The following PPA2 variants were observed in gnomAD, a reference collection of about 807,000 sequenced individuals.
The protein encoded by PPA2 is inorganic pyrophosphatase 2, also known as inorganic pyrophosphatase 2, mitochondrial.
In PPA2, 48 loss-of-function variants were observed where a neutral mutation model predicts 49.5. The ratio of observed to expected loss-of-function variants is 0.97; its 90% confidence interval spans 0.77 to 1.23. The LOEUF is 1.23. PPA2 is among the 50% of genes most tolerant of loss of function. PPA2 has a pLI of 0.00. For missense variants in PPA2, 429 were observed against 410.1 expected (o/e 1.05, Z -0.40); for synonymous variants, 131 against 139.9 (o/e 0.94, Z 0.45).
chr4:105,464,359 T>A (rs11934459), intron 1 of PPA2, among the ~76,000 whole-genome samples: 1 of 152,246 alleles, frequency 6.6e-6, no homozygotes, highest in Admixed American at 6.5e-5. Flanking sequence ...CCCCATTGTA[T>A]CTAAGAAGTA....
rs149064569 is a variant in PPA2 at position 105,448,671 on chromosome 4, A to C, written c.321+679T>G. Among the ~76,000 whole-genome samples, 192 of 152,100 alleles carry C rather than the reference A, an allele frequency of 1.3e-3. 1 individual carries two copies. The highest frequency in any genetic ancestry group is 4.2e-3 in the African/African-American group (175 of 41,546). ...AAATGATTTATTTCCTGGTAGAATA[A>C]AATCTAAAGGAGAATTGAGTCCTAA... On this transcript the variant is annotated intron_variant, in intron 4 of 11. Transcript: ENST00000341695.
intron 9 of PPA2, among the ~76,000 whole-genome samples, chr4:105,392,449 G>C (rs1733963425): frequency 1.3e-5 from 2 of 152,048 alleles, no homozygotes; most frequent in Admixed American, 6.6e-5. Context: ...GAGGTGCGTG[G>C]ATCACCTGCG....
intron 6 of PPA2, among the ~76,000 whole-genome samples, chr4:105,433,636 G>C (rs1464088951): frequency 1.3e-5 from 2 of 152,212 alleles, no homozygotes; most frequent in Non-Finnish European, 2.9e-5. Flanking sequence ...CACGGGAAGA[G>C]ACATTATAAA....
intron 10 of PPA2, among the ~76,000 whole-genome samples, chr4:105,383,429 G>A (rs1161815775): frequency 1.3e-5 from 2 of 152,104 alleles, no homozygotes. Context: ...TGTACATATT[G>A]TTGGATGACT....
chr4:105,379,450 T>C (rs973108150), intron 10 of PPA2, among the ~76,000 whole-genome samples: 7 of 101,856 alleles, frequency 6.9e-5, no homozygotes, highest in Non-Finnish European at 1.6e-4. Flanking sequence ...GATAGATAGA[T>C]AGATAGATAG....
At chr4:105,377,937 A>C (rs1465419052) in intron 10 of PPA2, among the ~76,000 whole-genome samples, 1 of 152,030 alleles carries the variant, frequency 6.6e-6, no homozygotes, top group Non-Finnish European at 1.5e-5. Flanking sequence ...CCATTCATCT[A>C]CTGATGAACA....
chr4:105,414,339 C>T (rs1722902730), intron 7 of PPA2, among the ~76,000 whole-genome samples: 1 of 152,238 alleles, frequency 6.6e-6, no homozygotes, highest in South Asian at 2.1e-4. Context: ...AGCTGGAAAC[C>T]TCTGTGGCCA....
chr4:105,380,250 T>C (rs1733433813), intron 10 of PPA2, among the ~76,000 whole-genome samples: 1 of 152,210 alleles, frequency 6.6e-6, no homozygotes, highest in African/African-American at 2.4e-5. Context: ...AAGGCATCTG[T>C]CAATTTCATG....
At chr4:105,442,407 G>A (rs1437895821) in intron 5 of PPA2, among the ~76,000 whole-genome samples, 2 of 152,168 alleles carry the variant, frequency 1.3e-5, no homozygotes, top group Non-Finnish European at 2.9e-5. Flanking sequence ...AAGCTAATAA[G>A]TAGGACTATA....
At chr4:105,450,598 A>ATTC (rs1722626821) in intron 3 of PPA2, among the ~76,000 whole-genome samples, 1 of 63,322 alleles carries the variant, frequency 1.6e-5, no homozygotes, top group East Asian at 3.9e-4. Context: ...CTGGTCTGGA[A>ATTC]TTCTTTTTTT....
intron 9 of PPA2, 102 bp downstream of exon 9, chr4:105,396,147 G>A: frequency 3.0e-6 from 2 of 674,042 alleles, no homozygotes; most frequent in Non-Finnish European, 4.9e-6. Flanking sequence ...AATCTGTATT[G>A]TTTAAATTAA....
intron 7 of PPA2, among the ~76,000 whole-genome samples, chr4:105,418,081 A>G (rs184142703): frequency 1.9e-4 from 29 of 152,358 alleles, no homozygotes; most frequent in African/African-American, 7.0e-4. Context: ...AGCACTTAGC[A>G]TAGTTTCTTC....
At chr4:105,427,120 A>G (rs1193347119) in intron 6 of PPA2, among the ~76,000 whole-genome samples, 1 of 152,230 alleles carries the variant, frequency 6.6e-6, no homozygotes, top group Non-Finnish European at 1.5e-5. Context: ...GTCTGTTAGA[A>G]GGAAAACTAA....
chr4:105,385,439 C>A (rs886435596), intron 10 of PPA2, among the ~76,000 whole-genome samples: 4 of 150,252 alleles, frequency 2.7e-5, no homozygotes, highest in Admixed American at 1.3e-4. Context: ...CAAACAACAA[C>A]AAAAAAACAA....
At chr4:105,386,510 C>T (rs1467716381) in intron 10 of PPA2, 57 bp downstream of exon 10, 2 of 1,507,878 alleles carry the variant, frequency 1.3e-6, no homozygotes, top group South Asian at 1.2e-5. Context: ...AGAATTTCTA[C>T]TAGACTTCCT....
chr4:105,429,877 A>C (rs1414069875), intron 6 of PPA2, among the ~76,000 whole-genome samples: 1 of 152,228 alleles, frequency 6.6e-6, no homozygotes, highest in African/African-American at 2.4e-5. Flanking sequence ...GATATTGACA[A>C]AACAGGTTTC....
chr4:105,409,105 C>T, intron 7 of PPA2, among the ~76,000 whole-genome samples: 1 of 152,156 alleles, frequency 6.6e-6, no homozygotes, highest in East Asian at 1.9e-4. Flanking sequence ...GGCATTGCCT[C>T]ACCCGGGAAG....
intron 1 of PPA2, among the ~76,000 whole-genome samples, chr4:105,468,117 C>G (rs1723381115): frequency 6.6e-6 from 1 of 152,196 alleles, no homozygotes; most frequent in African/African-American, 2.4e-5. Flanking sequence ...GGAACATAAC[C>G]ACAGTCATAC....
intron 3 of PPA2, among the ~76,000 whole-genome samples, chr4:105,452,368 T>C (rs1722708633): frequency 6.6e-6 from 1 of 152,216 alleles, no homozygotes; most frequent in South Asian, 2.1e-4. Context: ...AAACCCTTGT[T>C]CACTCAACAT....
Sources: gnomAD v4.1 joint callset for allele counts (sites outside exome capture counted in the v4.1 genomes callset) on GRCh38, gnomAD v4.1.1 for gene constraint, MANE v1.5 for transcripts, NCBI Gene and HGNC (gene_info 2026-07-23, HGNC 2026-07-21) for gene names.